Variants in VDAC1 observed in about 807,000 individuals in gnomAD.
VDAC1 encodes non-selective voltage-gated ion channel VDAC1.
Under a neutral mutation model 34.7 loss-of-function variants are expected in VDAC1, and 10 were observed. That is an observed-to-expected ratio of 0.29 (90% confidence interval 0.18 to 0.49). The LOEUF is 0.49. Among genes scored for constraint, VDAC1 ranks in the 20% least tolerant of loss-of-function variants. VDAC1 has a pLI of 0.99. For synonymous variants in VDAC1, 130 were observed against 136.0 expected, an observed-to-expected ratio of 0.96 and a Z score of 0.30; for missense variants, 230 against 347.9, an observed-to-expected ratio of 0.66 and a Z score of 2.69.
chr5:134,048,013 G>A, the VDAC1 span, among the ~76,000 whole-genome samples: 3 of 148,286 alleles, frequency 2.0e-5, no homozygotes, highest in Non-Finnish European at 3.0e-5. Context: ...AGTGAACCTT[G>A]TCTGGGAAAA....
the VDAC1 span, among the ~76,000 whole-genome samples, chr5:134,064,856 C>T: frequency 6.6e-6 from 1 of 151,706 alleles, no homozygotes; most frequent in South Asian, 2.1e-4. Flanking sequence ...TAGCTGGGAC[C>T]CACAGGCGTG....
intron 6 of VDAC1, among the ~76,000 whole-genome samples, chr5:133,977,253 C>A (rs1752515937): frequency 6.6e-6 from 1 of 152,168 alleles, no homozygotes; most frequent in South Asian, 2.1e-4. Context: ...AGAGCTTAAT[C>A]CACAATTCAT....
the VDAC1 span, among the ~76,000 whole-genome samples, chr5:134,110,890 A>G: frequency 6.6e-6 from 1 of 152,250 alleles, no homozygotes; most frequent in Non-Finnish European, 1.5e-5. Context: ...AGCTCTAGCC[A>G]TGATTAAGTG....
At chr5:134,021,760 G>GCCTAGCC in the VDAC1 span, among the ~76,000 whole-genome samples, 1 of 152,198 alleles carries the variant, frequency 6.6e-6, no homozygotes, top group Non-Finnish European at 1.5e-5. Flanking sequence ...AGGTGGGGGG[G>GCCTAGCC]CCTAGCCCCT....
At chr5:134,011,347 C>T in the VDAC1 span, among the ~76,000 whole-genome samples, 1 of 152,156 alleles carries the variant, frequency 6.6e-6, no homozygotes, top group South Asian at 2.1e-4. Flanking sequence ...GCTTGTTGAA[C>T]TCTTTAAGTT....
chr5:134,000,254 C>A (rs1401010215), intron 1 of VDAC1, among the ~76,000 whole-genome samples: 1 of 152,220 alleles, frequency 6.6e-6, no homozygotes, highest in Non-Finnish European at 1.5e-5. Context: ...GTACCCAATG[C>A]AGCTGTTCTC....
the VDAC1 span, among the ~76,000 whole-genome samples, chr5:134,024,191 C>G: frequency 1.3e-5 from 2 of 151,618 alleles, no homozygotes; most frequent in African/African-American, 4.8e-5. Context: ...CATGGAGAGC[C>G]CTGACCTGAC....
chr5:133,992,939 C>T lies in VDAC1; in HGVS notation c.67+7G>A. 1 of 1,612,532 alleles carries T rather than the reference C, an allele frequency of 6.2e-7. No homozygotes were observed. Among genetic ancestry groups the T allele is most frequent in the Non-Finnish European group, 8.5e-7 (1 of 1,179,076 alleles). ...GCTGAAAGGCACCCCCTCTCTGCAA[C>T]ACTCACCATAGCCCTTGGTGAAGAC... On this transcript the variant is annotated splice_region_variant and intron_variant, in intron 2 of 8. Coordinates refer to ENST00000265333, the MANE Select transcript of VDAC1 (RefSeq NM_003374.3).
the VDAC1 span, among the ~76,000 whole-genome samples, chr5:134,029,156 A>G: frequency 1.1e-3 from 173 of 152,282 alleles, 1 homozygote; most frequent in Middle Eastern, 3.4e-3. Context: ...TCTAGCACCA[A>G]CTGGCCAGCC....
the VDAC1 span, among the ~76,000 whole-genome samples, chr5:134,099,373 G>A: frequency 1.3e-5 from 2 of 152,140 alleles, no homozygotes; most frequent in African/African-American, 4.8e-5. Flanking sequence ...GTGCCGTTTG[G>A]GGATGCTAGA....
intron 6 of VDAC1, among the ~76,000 whole-genome samples, chr5:133,977,150 G>C (rs1376796137): frequency 6.6e-6 from 1 of 152,216 alleles, no homozygotes; most frequent in Non-Finnish European, 1.5e-5. Context: ...GCCTCAGAAG[G>C]CAAGTTAGAG....
Position 133,979,424 on chromosome 5 carries a change from C to CTTTTTTTTTTT in VDAC1, c.551+1294_551+1304dup, listed in dbSNP as rs71581380. Among the ~76,000 whole-genome samples, 68 of 80,998 alleles carry CTTTTTTTTTTT rather than the reference C, an allele frequency of 8.4e-4. 4 individuals carry two copies. The highest frequency in any genetic ancestry group is 1.9e-3 in the Admixed American group (9 of 4,708). The allele number at this position is 80,998 out of a possible 152,430, so 53.1% of individuals were successfully genotyped here. A position where few individuals can be genotyped will look rare whatever the true frequency, so the allele number is the denominator to read the frequency against. On this transcript the variant is annotated intron_variant, in intron 6 of 8. Coordinates refer to ENST00000265333, the MANE Select transcript of VDAC1 (RefSeq NM_003374.3). ...TATAATAAAATTGATATTTTCTTTGCTTTTTTTTTTTTTTTTTTTTTTTGA... is the reference window on the plus strand; with the variant it reads ...TATAATAAAATTGATATTTTCTTTGCTTTTTTTTTTTTTTTTTTTTTTTTTTTTTTTTTTGA...
intron 7 of VDAC1, among the ~76,000 whole-genome samples, chr5:133,975,408 A>G (rs1373356642): frequency 6.6e-6 from 1 of 150,784 alleles, no homozygotes; most frequent in Non-Finnish European, 1.5e-5. Flanking sequence ...CTCATTTGGC[A>G]CTCTTTTCAA....
At chr5:134,045,055 A>T in the VDAC1 span, among the ~76,000 whole-genome samples, 1 of 152,222 alleles carries the variant, frequency 6.6e-6, no homozygotes, top group Non-Finnish European at 1.5e-5. Flanking sequence ...GGCCCTGTGA[A>T]GTTCCATTCC....
chr5:134,087,953 C>A, the VDAC1 span, among the ~76,000 whole-genome samples: 2 of 151,536 alleles, frequency 1.3e-5, no homozygotes, highest in African/African-American at 4.9e-5. Context: ...AGTTTTGAGA[C>A]CAGCCTGACC....
chr5:134,068,966 CTGTGTGTGTGTGTG>C, the VDAC1 span, among the ~76,000 whole-genome samples: 471 of 136,688 alleles, frequency 3.4e-3, 3 homozygotes, highest in African/African-American at 0.011. Context: ...TGGGAGGTGA[CTGTGTGTGTGTGTG>C]TGTGTGTGTG....
At chr5:133,977,405 C>T (rs1752520590) in intron 6 of VDAC1, among the ~76,000 whole-genome samples, 1 of 152,240 alleles carries the variant, frequency 6.6e-6, no homozygotes, top group Non-Finnish European at 1.5e-5. Context: ...CAAGCTCCCT[C>T]CTCTCTTACA....
chr5:134,019,124 T>C, the VDAC1 span, among the ~76,000 whole-genome samples: 8 of 151,930 alleles, frequency 5.3e-5, no homozygotes, highest in Non-Finnish European at 1.2e-4. Context: ...CAGTTACTTA[T>C]AAAATGTGTG....
At chr5:134,090,044 G>A in the VDAC1 span, among the ~76,000 whole-genome samples, 20,164 of 151,926 alleles carry the variant, frequency 0.13, 2,106 homozygotes, top group African/African-American at 0.28. Flanking sequence ...TGAGGTGGGC[G>A]CCAAATTGTT....
Sources: allele counts gnomAD v4.1 joint callset (sites outside exome capture counted in the v4.1 genomes callset), GRCh38; gene constraint gnomAD v4.1.1; transcripts MANE v1.5; gene names NCBI Gene and HGNC (gene_info 2026-07-23, HGNC 2026-07-21).